Variants in GALNT16 observed in about 807,000 individuals in gnomAD.
The protein encoded by GALNT16 is polypeptide N-acetylgalactosaminyltransferase 16, also known as UDP-GalNAc:polypeptide N-acetylgalactosaminyltransferase-like protein 1.
In GALNT16, 40 loss-of-function variants were observed where a neutral mutation model predicts 76.1. The observed-to-expected ratio is 0.53, with a 90% CI of 0.41 to 0.68. GALNT16 has a LOEUF of 0.68. Ranked by LOEUF, GALNT16 falls within the 30% of genes least tolerant of loss-of-function variation. The probability of loss-of-function intolerance (pLI) is 0.00; values close to 1 mark genes in which losing one functional copy is unlikely to be tolerated. For synonymous variants in GALNT16, 276 were observed against 285.2 expected (o/e 0.97, Z 0.32); for missense variants, 621 against 731.9 (o/e 0.85, Z 1.75).
intron 1 of GALNT16, among the ~76,000 whole-genome samples, chr14:69,276,929 C>G (rs1462340200): frequency 1.3e-5 from 2 of 152,106 alleles, no homozygotes; most frequent in Non-Finnish European, 2.9e-5. Flanking sequence ...TTCCCCCAAG[C>G]CTGTCACGCA....
At chr14:69,373,706 TTTTTC>T in the GALNT16 span, among the ~76,000 whole-genome samples, 34 of 152,276 alleles carry the variant, frequency 2.2e-4, no homozygotes, top group East Asian at 1.7e-3. Context: ...CTTCTTTCTC[TTTTTC>T]TTTTCTTTTT....
chr14:69,278,331 T>C (rs1176713136), intron 1 of GALNT16, among the ~76,000 whole-genome samples: 3 of 152,142 alleles, frequency 2.0e-5, no homozygotes, highest in African/African-American at 7.2e-5. Context: ...TTAGACATAA[T>C]ATGTGTTTAA....
chr14:69,275,721 T>C (rs1190162228), intron 1 of GALNT16, among the ~76,000 whole-genome samples: 1 of 152,190 alleles, frequency 6.6e-6, no homozygotes, highest in South Asian at 2.1e-4. Flanking sequence ...TAGCCAGGCA[T>C]GGTGGCATGC....
the GALNT16 span, among the ~76,000 whole-genome samples, chr14:69,371,705 G>A: frequency 6.6e-6 from 1 of 151,878 alleles, no homozygotes; most frequent in Non-Finnish European, 1.5e-5. Flanking sequence ...CAGAACTTTG[G>A]GAGGCTGAGG....
In GALNT16 at chr14:69,260,175, C is replaced by A; in HGVS notation, c.-116C>A. On this transcript the variant is annotated 5_prime_UTR_variant, in exon 1 of 15. Transcript: ENST00000448469. ...CCACCTCTCTCCTTTTTCTGCTCTG[C>A]AGGACTGAGCAGCTAGGCGCGAGCG... The A allele has an allele frequency of 2.5e-6, 1 of 397,382 alleles. No individual in the cohort carries two copies. Among genetic ancestry groups the A allele is most frequent in the South Asian group, 1.8e-5 (1 of 56,456 alleles). The allele number at this position is 397,382 out of a possible 1,614,324, so 24.6% of individuals were successfully genotyped here. A position where few individuals can be genotyped will look rare whatever the true frequency, so the allele number is the denominator to read the frequency against.
chr14:69,296,728 T>TGATAGATA (rs141440096), intron 1 of GALNT16, among the ~76,000 whole-genome samples: 3,857 of 142,002 alleles, frequency 0.027, 75 homozygotes, highest in African/African-American at 0.052. Flanking sequence ...GACAGATAGA[T>TGATAGATA]GATAGATAGA....
the GALNT16 span, among the ~76,000 whole-genome samples, chr14:69,362,519 G>T: frequency 6.6e-6 from 1 of 152,256 alleles, no homozygotes; most frequent in African/African-American, 2.4e-5. Flanking sequence ...GGACTGCAGG[G>T]ATAGAGAGGA....
chr14:69,347,367 C>T (rs1055336188), intron 13 of GALNT16, among the ~76,000 whole-genome samples, 186 bp downstream of exon 13: 13 of 152,214 alleles, frequency 8.5e-5, no homozygotes, highest in African/African-American at 2.7e-4. Flanking sequence ...ACTTGGGTAT[C>T]CTGTGTGCAC....
At position 69,324,708 on chromosome 14, in the gene GALNT16, T is replaced by C; in HGVS notation, c.352T>C (p.Tyr118His). 1 of 1,610,676 alleles carries C rather than the reference T, an allele frequency of 6.2e-7. No individual in the cohort carries two copies. Among genetic ancestry groups the C allele is most frequent in the Non-Finnish European group, 8.5e-7 (1 of 1,177,674 alleles). Residue 118 changes from tyrosine to histidine, a missense_variant, in exon 3 of 15, where the codon TAC becomes CAC. By Grantham distance (83) the Tyr-to-His change is moderately conservative (BLOSUM62 2). Transcript: ENST00000448469. ...CCTTCTCAGCTGCCCATCTGTGTCC[T>C]ACTCCTCGGACCTGCCAGCCACCAG... ...TRHYSCPSVS[Y>H]SSDLPATSVI...
intron 1 of GALNT16, among the ~76,000 whole-genome samples, chr14:69,300,104 T>C (rs2044829046): frequency 6.6e-6 from 1 of 152,178 alleles, no homozygotes; most frequent in African/African-American, 2.4e-5. Context: ...TCCCCACAAA[T>C]GGCTCTGAAA....
intron 1 of GALNT16, among the ~76,000 whole-genome samples, chr14:69,309,585 T>C (rs980318881): frequency 2.6e-5 from 4 of 152,242 alleles, no homozygotes; most frequent in African/African-American, 4.8e-5. Flanking sequence ...GTGCTGGGAT[T>C]ATGGGCATGA....
chr14:69,325,565 C>T (rs1031249420), intron 4 of GALNT16, among the ~76,000 whole-genome samples, 161 bp downstream of exon 4: 3 of 152,144 alleles, frequency 2.0e-5, no homozygotes, highest in Non-Finnish European at 2.9e-5. Flanking sequence ...TGGTCCTGTT[C>T]CCTGGTGTCA....
the GALNT16 span, chr14:69,380,529 CCA>C: frequency 9.2e-7 from 1 of 1,083,018 alleles, no homozygotes; most frequent in Non-Finnish European, 1.4e-6. Flanking sequence ...CCCAGTGCTT[CCA>C]ACACAATTAT....
chr14:69,378,684 C>CT, the GALNT16 span, among the ~76,000 whole-genome samples: 3 of 152,194 alleles, frequency 2.0e-5, no homozygotes, highest in African/African-American at 7.2e-5. Flanking sequence ...AACCCAGATA[C>CT]TTTCTCACAT....
chr14:69,306,749 G>A (rs2044940632), intron 1 of GALNT16, among the ~76,000 whole-genome samples: 1 of 152,086 alleles, frequency 6.6e-6, no homozygotes, highest in African/African-American at 2.4e-5. Context: ...GGGAGTTTTG[G>A]GGCACCCTGC....
intron 1 of GALNT16, among the ~76,000 whole-genome samples, chr14:69,266,847 T>A (rs902029324): frequency 1.3e-5 from 2 of 152,200 alleles, no homozygotes; most frequent in Non-Finnish European, 2.9e-5. Flanking sequence ...AATCCATAAC[T>A]GCTGCTGTGC....
At chr14:69,325,306 G>C (rs1481089878) in intron 3 of GALNT16, 31 bp from the exon 4 acceptor site, 2 of 1,424,508 alleles carry the variant, frequency 1.4e-6, no homozygotes, top group South Asian at 1.1e-5. Flanking sequence ...CCTAAATCCA[G>C]GCTCTTTCTC....
At chr14:69,336,330 G>C (rs775132775) in intron 9 of GALNT16, among the ~76,000 whole-genome samples, 10 of 152,114 alleles carry the variant, frequency 6.6e-5, no homozygotes, top group Non-Finnish European at 1.3e-4. Flanking sequence ...GGATGGTCTC[G>C]AACTCCTGAC....
intron 1 of GALNT16, among the ~76,000 whole-genome samples, chr14:69,296,805 CTAGA>C (rs71102640): frequency 0.18 from 26,891 of 148,068 alleles, 2,744 homozygotes; most frequent in African/African-American, 0.27. Context: ...ACAGATAGAG[CTAGA>C]TAGATAGATA....
Sources: allele counts gnomAD v4.1 joint callset (sites outside exome capture counted in the v4.1 genomes callset), GRCh38; gene constraint gnomAD v4.1.1; transcripts MANE v1.5; gene names NCBI Gene and HGNC (gene_info 2026-07-23, HGNC 2026-07-21).